Variants in CDH19 observed in about 807,000 individuals in gnomAD.
CDH19 encodes the protein cadherin 19.
Under a neutral mutation model 64.2 loss-of-function variants are expected in CDH19, and 67 were observed. The observed-to-expected ratio is 1.04, with a 90% CI of 0.86 to 1.28. The LOEUF (loss-of-function observed/expected upper bound fraction) is 1.28. Ranked by LOEUF, CDH19 falls within the 50% of genes most tolerant of loss-of-function variation. The pLI, the probability that CDH19 is intolerant of heterozygous loss-of-function variation, is 0.00. For synonymous variants in CDH19, 346 were observed against 319.3 expected (o/e 1.08, Z -0.89); for missense variants, 1,030 against 929.0 (o/e 1.11, Z -1.41).
Position 66,544,069 on chromosome 18 carries a change from AAGGAGGAAAAG to A in CDH19, c.1105_1115del (p.Leu369SerfsTer6), listed in dbSNP as rs1445342299. On this transcript the variant is annotated frameshift_variant, in exon 7 of 12. Coordinates refer to ENST00000262150, the MANE Select transcript of CDH19 (RefSeq NM_021153.4). LOFTEE classifies it high-confidence loss of function. ...CAAAAACTTCAAATACATAATATGG[AAGGAGGAAAAG>A]AGGAGGCTCATCAACATCTTCCACC... 1.2e-6 allele frequency: 2 copies of A among 1,613,902 alleles called. No homozygotes were observed. The highest frequency in any genetic ancestry group is 2.2e-5 in the South Asian group (2 of 91,072).
chr18:66,551,762 C>T lies in CDH19; in HGVS notation c.611-504G>A, dbSNP rs1466344744. Among the ~76,000 whole-genome samples, 3 of 151,978 alleles carry T rather than the reference C, an allele frequency of 2.0e-5. No homozygotes were observed. In the East Asian group the frequency reaches 5.8e-4, roughly 29 times the overall value. On this transcript the variant is annotated intron_variant, in intron 4 of 11. Coordinates refer to ENST00000262150, the MANE Select transcript of CDH19 (RefSeq NM_021153.4). ...GTTATTTTATGTGTGTGTGTATACA[C>T]ATATATAATATATTCAAACTCAAGA...
chr18:66,570,628 CT>C (rs1439114966), intron 2 of CDH19, among the ~76,000 whole-genome samples: 1 of 151,620 alleles, frequency 6.6e-6, no homozygotes, highest in Non-Finnish European at 1.5e-5. Flanking sequence ...CATTATTGTT[CT>C]TTTTGAAATC....
intron 1 of CDH19, among the ~76,000 whole-genome samples, chr18:66,588,449 A>C (rs1316893468): frequency 6.6e-6 from 1 of 151,724 alleles, no homozygotes; most frequent in African/African-American, 2.4e-5. Context: ...TTATTTGTTA[A>C]TTCTTGTGTT....
intron 1 of CDH19, among the ~76,000 whole-genome samples, chr18:66,586,190 C>A (rs1988572980): frequency 6.6e-6 from 1 of 151,986 alleles, no homozygotes; most frequent in African/African-American, 2.4e-5. Flanking sequence ...ATAATGTCTC[C>A]ATTTTTAGAA....
chr18:66,589,371 C>T (rs1988677536), intron 1 of CDH19, among the ~76,000 whole-genome samples: 1 of 151,480 alleles, frequency 6.6e-6, no homozygotes, highest in Non-Finnish European at 1.5e-5. Flanking sequence ...GTATTTATTT[C>T]TTTGTTCTTA....
intron 7 of CDH19, among the ~76,000 whole-genome samples, chr18:66,539,109 A>G (rs1986789559): frequency 6.6e-6 from 1 of 152,082 alleles, no homozygotes; most frequent in South Asian, 2.1e-4. Context: ...CGGTCAATAT[A>G]AGTTTAATTT....
intron 3 of CDH19, among the ~76,000 whole-genome samples, chr18:66,566,573 C>A (rs910152671): frequency 2.0e-5 from 3 of 151,784 alleles, no homozygotes; most frequent in Non-Finnish European, 4.4e-5. Context: ...CAATAGTCTT[C>A]AGTGTGCTGT....
At chr18:66,584,684 G>T (rs1435354046) in intron 1 of CDH19, among the ~76,000 whole-genome samples, 1 of 152,100 alleles carries the variant, frequency 6.6e-6, no homozygotes, top group South Asian at 2.1e-4. Flanking sequence ...GATAAGAAAT[G>T]TGGTACACAT....
intron 2 of CDH19, among the ~76,000 whole-genome samples, chr18:66,570,392 T>C (rs1168049578): frequency 1.3e-5 from 2 of 151,728 alleles, no homozygotes; most frequent in Non-Finnish European, 2.9e-5. Flanking sequence ...CACATTTCAA[T>C]CAAATGGCCT....
At chr18:66,564,552 A>AAT (rs1987836394) in intron 3 of CDH19, among the ~76,000 whole-genome samples, 1 of 151,952 alleles carries the variant, frequency 6.6e-6, no homozygotes, top group African/African-American at 2.4e-5. Context: ...TTTACTAGAC[A>AAT]ATATATTCTC....
chr18:66,567,358 G>A (rs1987947082), intron 3 of CDH19, among the ~76,000 whole-genome samples: 1 of 151,462 alleles, frequency 6.6e-6, no homozygotes, highest in Admixed American at 6.6e-5. Flanking sequence ...AGAAGGTGGA[G>A]AAGGGGGAGG....
intron 3 of CDH19, among the ~76,000 whole-genome samples, chr18:66,556,270 T>C (rs1201163967): frequency 6.6e-5 from 10 of 151,744 alleles, no homozygotes; most frequent in Non-Finnish European, 1.5e-4. Context: ...TTTTTGTGTG[T>C]GCATGGAAAG....
intron 1 of CDH19, among the ~76,000 whole-genome samples, chr18:66,574,729 G>A (rs569942105): frequency 3.7e-4 from 56 of 151,606 alleles, no homozygotes; most frequent in African/African-American, 1.3e-3. Flanking sequence ...TTATACCAAG[G>A]AGCATCATGA....
intron 1 of CDH19, chr18:66,596,445 T>G (rs969450280): frequency 6.6e-6 from 1 of 152,170 alleles, no homozygotes; most frequent in Non-Finnish European, 1.5e-5. Flanking sequence ...CATTAAAATT[T>G]CAACAAAGTT....
intron 8 of CDH19, among the ~76,000 whole-genome samples, chr18:66,530,975 G>T (rs1399656262): frequency 6.6e-6 from 1 of 152,120 alleles, no homozygotes; most frequent in Non-Finnish European, 1.5e-5. Context: ...TTATCATAAT[G>T]TTCACACAGC....
intron 9 of CDH19, among the ~76,000 whole-genome samples, chr18:66,516,072 C>T (rs116769411): frequency 0.012 from 1,839 of 151,966 alleles, 33 homozygotes; most frequent in African/African-American, 0.041. Context: ...GTCAGAGAAC[C>T]TTGTATCTGT....
rs1987315805 is a variant in CDH19 at position 66,550,973 on chromosome 18, A to C, written c.775+121T>G. The C allele has an allele frequency of 7.6e-6, 4 of 525,922 alleles. No homozygotes were observed. In the Admixed American group the frequency reaches 1.1e-4, roughly 14 times the overall value. 32.6% of individuals were successfully genotyped at this position (525,922 alleles called of 1,614,324 possible). On this transcript the variant is annotated intron_variant, in intron 5 of 11. Transcript: ENST00000262150. ...ATAATCATACCAGAACAATTGACAAATTTATTTTATATAATTTTAGTGTTA... is the reference window on the plus strand; with the variant it reads ...ATAATCATACCAGAACAATTGACAACTTTATTTTATATAATTTTAGTGTTA...
intron 9 of CDH19, among the ~76,000 whole-genome samples, chr18:66,523,280 A>G (rs1986071835): frequency 6.6e-6 from 1 of 152,184 alleles, no homozygotes; most frequent in Non-Finnish European, 1.5e-5. Context: ...GAATTCTAAT[A>G]GAATTCTAAG....
intron 9 of CDH19, among the ~76,000 whole-genome samples, chr18:66,515,332 G>A (rs554023960): frequency 6.6e-6 from 1 of 151,744 alleles, no homozygotes; most frequent in South Asian, 2.1e-4. Flanking sequence ...ACTCTAATGA[G>A]TAAATGATTT....
Sources: gnomAD v4.1 joint callset for allele counts (sites outside exome capture counted in the v4.1 genomes callset) on GRCh38, gnomAD v4.1.1 for gene constraint, MANE v1.5 for transcripts, NCBI Gene and HGNC (gene_info 2026-07-23, HGNC 2026-07-21) for gene names.